CDH16: variants seen among roughly 807,000 people sequenced by gnomAD.
CDH16 encodes cadherin-16.
Under a neutral mutation model 87.6 loss-of-function variants are expected in CDH16, and 79 were observed. That is an observed-to-expected ratio of 0.90 (90% CI 0.75 to 1.09). The LOEUF (loss-of-function observed/expected upper bound fraction) is 1.09, where lower values mean the gene tolerates loss of function less well. Ranked by LOEUF, CDH16 falls within the 50% of genes least tolerant of loss-of-function variation. CDH16 has a pLI of 0.00. For synonymous variants in CDH16, 457 were observed against 439.5 expected (o/e 1.04, Z -0.50); for missense variants, 1,124 against 1,071.7 (o/e 1.05, Z -0.68).
intron 5 of CDH16, 86 bp downstream of exon 5, chr16:66,915,979 C>A: frequency 6.7e-7 from 1 of 1,485,036 alleles, no homozygotes; most frequent in Non-Finnish European, 9.3e-7. Flanking sequence ...CTGTCCTATG[C>A]CAACTGTCTG....
chr16:66,914,133 C>T, intron 7 of CDH16, 83 bp downstream of exon 7: 2 of 1,241,842 alleles, frequency 1.6e-6, no homozygotes, highest in South Asian at 1.4e-5. Flanking sequence ...GGGTTCCAGA[C>T]CCAGCCCCCA....
rs984483134 is a variant in CDH16, at chr16:66,909,572, G to A, written c.2276-189C>T. On this transcript the variant is annotated intron_variant, in intron 16 of 17. Coordinates refer to ENST00000299752, the MANE Select transcript of CDH16 (RefSeq NM_004062.4). This position sits in a 1 kb window ranked among gnomAD's most constrained non-coding sequence, Gnocchi z 4.1. ...TGTAATCCCAGCCCTTTGGGAGGCC[G>A]AAATGGGTGGATCACTTAAGCCAGG... Among the ~76,000 whole-genome samples the A allele has an allele frequency of 6.6e-6, 1 of 152,122 alleles. No individual in the cohort carries two copies. The highest frequency in any genetic ancestry group is 1.5e-5 in the Non-Finnish European group (1 of 68,012).
rs1468049025 is a variant in CDH16, at chr16:66,908,150, C to G, written c.*242G>C. 1.8e-6 allele frequency: 1 copy of G among 556,538 alleles called. No individual in the cohort carries two copies. The highest frequency in any genetic ancestry group is 1.9e-5 in the African/African-American group (1 of 53,186). The allele number at this position is 556,538 out of a possible 1,614,324, so 34.5% of individuals were successfully genotyped here. ...CAATCCCATAGGGCCCAGCCCAGTTCTCTGGGGCTTTATTATTGGGCAAAC... is the reference window on the plus strand; with the variant it reads ...CAATCCCATAGGGCCCAGCCCAGTTGTCTGGGGCTTTATTATTGGGCAAAC... On this transcript the variant is annotated 3_prime_UTR_variant, in exon 18 of 18. Coordinates refer to ENST00000299752, the MANE Select transcript of CDH16 (RefSeq NM_004062.4).
rs755530734 is a variant in CDH16 at position 66,912,507 on chromosome 16, G to A, written c.1356C>T (p.Ser452=). 1.9e-6 allele frequency: 3 copies of A among 1,614,174 alleles called. No individual in the cohort carries two copies. The South Asian group carries it at 3.3e-5, about 18-fold the overall frequency. Residue 452 remains serine (S), a synonymous_variant, in exon 11 of 18, where the codon TCC becomes TCT. Transcript: ENST00000299752. ...INDHAPEFIT[S]QIGPISLPED... is the part of the protein sequence containing the mutation. ...CTTCTCCCCTGCGTCTGCTTACCTG[G>A]GAAGTGATGAACTCAGGGGCGTGAT...
chr16:66,916,501 C>T lies in CDH16; in HGVS notation c.130-72G>A, dbSNP rs1962693024. On this transcript the variant is annotated intron_variant, in intron 3 of 17. Coordinates refer to ENST00000299752, the MANE Select transcript of CDH16 (RefSeq NM_004062.4). This position sits in a 1 kb window ranked among gnomAD's most constrained non-coding sequence, Gnocchi z 4.1. ...AGATGCCCCTCCTCCACCTGATGGC[C>T]TCATTTTACATGTGGGGAAACTGAG... is the stretch of plus-strand genomic sequence containing the variant. The T allele has an allele frequency of 6.8e-7, 1 of 1,478,282 alleles. No homozygotes were observed. Among genetic ancestry groups the T allele is most frequent in the Non-Finnish European group, 9.0e-7 (1 of 1,110,898 alleles). The allele number at this position is 1,478,282 out of a possible 1,614,324, so 91.6% of individuals were successfully genotyped here.
chr16:66,912,819 T>C lies in CDH16; in HGVS notation c.1127A>G (p.Gln376Arg). The change falls in exon 10 of 18, where the codon CAG (glutamine) becomes CGG (arginine). Residue 376 changes from glutamine to arginine, a missense_variant. By Grantham distance (43) the Gln-to-Arg change is conservative. Coordinates refer to ENST00000299752, the MANE Select transcript of CDH16 (RefSeq NM_004062.4). ...PGSPNSHVVY[Q>R]LLSPEPEDGV... The stretch of plus-strand genomic sequence containing the variant: ...ATCCTCAGGCTCAGGGCTCAGGAGC[T>C]GATACACAACGTGGGAATTGGGGGA... The C allele has an allele frequency of 1.2e-6, 2 of 1,613,634 alleles. No homozygotes were observed. The highest frequency in any genetic ancestry group is 1.6e-4 in the Middle Eastern group (1 of 6,062).
At position 66,908,259 on chromosome 16, in the gene CDH16, G is replaced by A; in HGVS notation, c.*133C>T. ...AGACATGCCTGGTGATGGTGATGGT[G>A]CCTCCACCCCAGGGCAGATGGAGGG... On this transcript the variant is annotated 3_prime_UTR_variant, in exon 18 of 18. Coordinates refer to ENST00000299752, the MANE Select transcript of CDH16 (RefSeq NM_004062.4). 1.5e-6 allele frequency: 1 copy of A among 673,818 alleles called. No individual in the cohort carries two copies. Among genetic ancestry groups the A allele is most frequent in the South Asian group, 1.8e-5 (1 of 56,558 alleles). The allele number at this position is 673,818 out of a possible 1,614,324, so 41.7% of individuals were successfully genotyped here.
rs1462635416 is a variant in CDH16, at chr16:66,913,274, A to T, written c.911T>A (p.Leu304His). 1 of 1,555,204 alleles carries T rather than the reference A, an allele frequency of 6.4e-7. No homozygotes were observed. Among genetic ancestry groups the T allele is most frequent in the African/African-American group, 1.4e-5 (1 of 73,464 alleles). ...LDREAQAEYL[L>H]QVRAQNSHGE... ...ATGGGAATTCTGAGCCCGCACCTGG[A>T]GCAGGTACTGCGGTGGGCAGTAGGG... The change falls in exon 9 of 18, where the codon CTC becomes CAC. Residue 304 changes from leucine (L) to histidine (H), a missense_variant. Leu to His is a moderately conservative substitution (Grantham distance 99). Coordinates refer to ENST00000299752, the MANE Select transcript of CDH16 (RefSeq NM_004062.4).
intron 1 of CDH16, among the ~76,000 whole-genome samples, chr16:66,918,425 T>A (rs144685203): frequency 7.0e-4 from 107 of 152,374 alleles, no homozygotes; most frequent in African/African-American, 2.0e-3. Context: ...AGCTGGAAAG[T>A]TCCTGAAGAC....
rs185364416 is a variant in CDH16 at position 66,912,598 on chromosome 16, G to A, written c.1283-18C>T. ...GCTGAAGCCTAGGGCAGAGGTGGAC[G>A]TGTTGGTGAGGTCAGGGTAGGAACA... is the stretch of plus-strand genomic sequence containing the variant. On this transcript the variant is annotated intron_variant, in intron 10 of 17. Transcript: ENST00000299752. The A allele has an allele frequency of 3.0e-5, 48 of 1,614,172 alleles. No individual in the cohort carries two copies. Among genetic ancestry groups the A allele is most frequent in the Admixed American group, 1.8e-4 (11 of 60,030 alleles).
chr16:66,912,990 TCG>T, intron 9 of CDH16, 99 bp from the exon 10 acceptor site: 3 of 1,295,448 alleles, frequency 2.3e-6, no homozygotes, highest in African/African-American at 1.5e-5. Flanking sequence ...GAATTTGAGC[TCG>T]TGTGTGTGTG....
rs1398808775 is a variant in CDH16, at chr16:66,913,087, G to C, written c.1054+44C>G. The stretch of plus-strand genomic sequence containing the variant: ...CTTATCCCAGAGAAGAGCAAGACCA[G>C]GTGGTTAATAGAGACTTCGTCCCTC... On this transcript the variant is annotated intron_variant, in intron 9 of 17. Transcript: ENST00000299752. The C allele has an allele frequency of 3.2e-6, 5 of 1,570,754 alleles. No homozygotes were observed. The Admixed American group carries it at 9.1e-5, about 28-fold the overall frequency.
At chr16:66,908,972 A>G (rs781314161) in intron 17 of CDH16, among the ~76,000 whole-genome samples, 1 of 152,210 alleles carries the variant, frequency 6.6e-6, no homozygotes, top group Non-Finnish European at 1.5e-5. Context: ...CTGAGCCTCA[A>G]TGACCTCATC....
chr16:66,911,048 A>G, intron 14 of CDH16, 134 bp downstream of exon 14: 1 of 810,664 alleles, frequency 1.2e-6, no homozygotes, highest in South Asian at 2.0e-5. Context: ...CATTGAACCC[A>G]GCTTCATATC....
intron 9 of CDH16, 30 bp from the exon 10 acceptor site, chr16:66,912,921 C>G: frequency 6.3e-7 from 1 of 1,587,654 alleles, no homozygotes; most frequent in Non-Finnish European, 8.6e-7. Flanking sequence ...CTGGATAGGA[C>G]CACAGCCCAG....
At chr16:66,910,603 G>T in intron 14 of CDH16, 101 bp from the exon 15 acceptor site, 2 of 1,243,146 alleles carry the variant, frequency 1.6e-6, no homozygotes, top group Non-Finnish European at 2.1e-6. Context: ...TCGCCTTATA[G>T]ACTCCCCTGC....
Position 66,912,820 on chromosome 16 carries a change from G to A in CDH16, c.1126C>T (p.Gln376Ter). 1 of 1,613,680 alleles carries A rather than the reference G, an allele frequency of 6.2e-7. No individual in the cohort carries two copies. Among genetic ancestry groups the A allele is most frequent in the Non-Finnish European group, 8.5e-7 (1 of 1,180,018 alleles). The change falls in exon 10 of 18, where the codon CAG becomes TAG. Residue 376 changes from glutamine (Q) to a stop codon, truncating the protein, a stop_gained. Coordinates refer to ENST00000299752, the MANE Select transcript of CDH16 (RefSeq NM_004062.4). LOFTEE classifies it high-confidence loss of function. ...PGSPNSHVVYQLLSPEPEDGV... is the reference protein window; with the variant it reads ...PGSPNSHVVY ...TCCTCAGGCTCAGGGCTCAGGAGCT[G>A]ATACACAACGTGGGAATTGGGGGAG... is the stretch of plus-strand genomic sequence containing the variant.
rs182084664 is a variant in CDH16, at chr16:66,912,033, A to T, written c.1656T>A (p.Thr552=). 5 of 1,614,106 alleles carry T rather than the reference A, an allele frequency of 3.1e-6. No individual in the cohort carries two copies. Among genetic ancestry groups the T allele is most frequent in the Non-Finnish European group, 3.4e-6 (4 of 1,180,012 alleles). ...GPGPGATATV[T]VLVERVMPPP... ...GTGGCATCACTCTCTCCACTAGCAC[A>T]GTCACCGTGGCGGTGGCTCCAGGGC... Residue 552 remains threonine (T), a synonymous_variant, in exon 13 of 18, where the codon ACT becomes ACA. Transcript: ENST00000299752.
Position 66,916,154 on chromosome 16 carries a change from A to G in CDH16, c.335T>C (p.Val112Ala), listed in dbSNP as rs764575054. The change falls in exon 5 of 18, where the codon GTG becomes GCG. Residue 112 changes from valine (V) to alanine (A), a missense_variant. Transcript: ENST00000299752. The surrounding 1 kb of genome is among the most constrained non-coding windows in gnomAD (Gnocchi z 4.1). ...DGHVLWGPQP[V>A]LVHVKDENDQ... ...ATTCTCATCCTTCACGTGCACAAGCACAGGCTGTGGACCCCACAAGACATG... is the reference window on the plus strand; with the variant it reads ...ATTCTCATCCTTCACGTGCACAAGCGCAGGCTGTGGACCCCACAAGACATG... 2.5e-6 allele frequency: 4 copies of G among 1,614,132 alleles called. No homozygotes were observed. The African/African-American group carries it at 5.3e-5, about 22-fold the overall frequency.
Sources: gnomAD v4.1 joint callset for allele counts (sites outside exome capture counted in the v4.1 genomes callset) on GRCh38, gnomAD v4.1.1 for gene constraint, Gnocchi (gnomAD v3.1) non-coding constraint, MANE v1.5 for transcripts, NCBI Gene and HGNC (gene_info 2026-07-23, HGNC 2026-07-21) for gene names.